ATG4A: variants seen among roughly 807,000 people sequenced by gnomAD.
ATG4A encodes the protein cysteine protease ATG4A.
A neutral mutation model predicts 38.4 loss-of-function variants in ATG4A; 22 were observed. That is an observed-to-expected ratio of 0.57 (90% CI 0.41 to 0.82). The LOEUF (loss-of-function observed/expected upper bound fraction) is 0.82, where lower values mean the gene tolerates loss of function less well. ATG4A is among the 40% of genes least tolerant of loss of function. ATG4A has a pLI of 0.00. For synonymous variants in ATG4A, 86 were observed against 100.7 expected, an observed-to-expected ratio of 0.85 and a Z score of 0.88; for missense variants, 220 against 290.0, an observed-to-expected ratio of 0.76 and a Z score of 1.75.
chrX:108,128,093 C>G (rs1167050251), intron 2 of ATG4A, among the ~76,000 whole-genome samples: 1 of 112,125 alleles, frequency 8.9e-6, no homozygotes. Flanking sequence ...TCCACACAAA[C>G]AAGCCAACCC....
intron 4 of ATG4A, 73 bp from the exon 5 acceptor site, chrX:108,133,984 A>G: frequency 1.2e-6 from 1 of 813,394 alleles, no homozygotes; most frequent in Non-Finnish European, 1.7e-6. Context: ...CTAACTTTGT[A>G]GTTACAATAA....
At chrX:108,103,444 T>C (rs765513579) in intron 1 of ATG4A, among the ~76,000 whole-genome samples, 6 of 112,711 alleles carry the variant, frequency 5.3e-5, no homozygotes, top group African/African-American at 1.6e-4. Context: ...TCTGTCTTTA[T>C]GACTGTACCG....
chrX:108,118,779 G>A (rs1049144222), intron 1 of ATG4A, among the ~76,000 whole-genome samples: 1 of 111,749 alleles, frequency 8.9e-6, no homozygotes, highest in Non-Finnish European at 1.9e-5. Context: ...AATTCTACTC[G>A]CTCCTTAAAA....
chrX:108,101,339 T>C (rs1377038338), intron 1 of ATG4A, among the ~76,000 whole-genome samples: 1 of 109,546 alleles, frequency 9.1e-6, no homozygotes, highest in Non-Finnish European at 1.9e-5. Flanking sequence ...TTCAGAGAAC[T>C]ACCTCTTTGT....
intron 9 of ATG4A, among the ~76,000 whole-genome samples, chrX:108,145,083 A>G (rs2033391165): frequency 8.9e-6 from 1 of 112,184 alleles, no homozygotes; most frequent in African/African-American, 3.2e-5. Flanking sequence ...GACAGGCCCC[A>G]CACCACTGAC....
chrX:108,112,534 G>GGCGCCCGGCACT (rs2032388704), intron 1 of ATG4A, among the ~76,000 whole-genome samples: 1 of 110,094 alleles, frequency 9.1e-6, no homozygotes, highest in South Asian at 3.9e-4. Context: ...TGGGATTACA[G>GGCGCCCGGCACT]GCGCCCGGCA....
rs2031720049 is a variant in ATG4A, at chrX:108,093,884, A to T, written c.10+2048A>T. 2.7e-5 allele frequency among the ~76,000 whole-genome samples: 3 copies of T among 111,154 alleles called. No individual in the cohort carries two copies. In the South Asian group the frequency reaches 1.1e-3, roughly 41 times the overall value. ...TATCTTCTTCAGTGAAGTGTCTGTT[A>T]TATCTTTTGTCTGTTTTTAAATTGA... is the stretch of plus-strand genomic sequence containing the variant. On this transcript the variant is annotated intron_variant, in intron 1 of 12. Transcript: ENST00000372232.
intron 9 of ATG4A, among the ~76,000 whole-genome samples, chrX:108,149,416 G>T (rs963951841): frequency 2.7e-5 from 3 of 112,704 alleles, no homozygotes; most frequent in Non-Finnish European, 3.8e-5. Flanking sequence ...CTCCTCCCAT[G>T]TTATTTTGGG....
chrX:108,091,509 A>C (rs1182378456), upstream of ATG4A: 2 of 1,210,448 alleles, frequency 1.7e-6, no homozygotes, highest in East Asian at 3.0e-5. Flanking sequence ...GGTTAGACAC[A>C]CACCCCTCCA....
intron 10 of ATG4A, 21 bp from the exon 11 acceptor site, chrX:108,151,781 G>A: frequency 8.3e-7 from 1 of 1,204,879 alleles, no homozygotes; most frequent in Non-Finnish European, 1.1e-6. Flanking sequence ...TCTAAGTTGT[G>A]TTCTTTTGCT....
At chrX:108,131,783 G>A (rs1370063668) in intron 4 of ATG4A, among the ~76,000 whole-genome samples, 1 of 112,332 alleles carries the variant, frequency 8.9e-6, no homozygotes, top group East Asian at 2.8e-4. Context: ...CATAGAGGGA[G>A]CTGGCGCTAT....
chrX:108,126,081 A>G lies in ATG4A; in HGVS notation c.15A>G (p.Leu5=). 1 of 1,174,861 alleles carries G rather than the reference A, an allele frequency of 8.5e-7. No individual in the cohort carries two copies. The highest frequency in any genetic ancestry group is 1.2e-6 in the Non-Finnish European group (1 of 865,802). The change falls in exon 2 of 13, where the codon TTA becomes TTG. Residue 5 remains leucine, a synonymous_variant. Transcript: ENST00000372232. The part of the protein sequence containing the change: MESV[L]SKYEDQITIF... ...GTTTCTTTCCTTTTCTTTCAGTTTTATCCAAGTATGAAGATCAGATTACTA... is the reference window on the plus strand; with the variant it reads ...GTTTCTTTCCTTTTCTTTCAGTTTTGTCCAAGTATGAAGATCAGATTACTA...
chrX:108,091,778 G>A lies in ATG4A; in HGVS notation c.-49G>A. On this transcript the variant is annotated 5_prime_UTR_variant, in exon 1 of 13. Transcript: ENST00000372232. ...GTCCCAGGGATCCTAGCGACCGTCCGTCCGTAGTCAAGTTGCCGGTGGAAT... is the reference window on the plus strand; with the variant it reads ...GTCCCAGGGATCCTAGCGACCGTCCATCCGTAGTCAAGTTGCCGGTGGAAT... 1 of 1,203,519 alleles carries A rather than the reference G, an allele frequency of 8.3e-7. No individual in the cohort carries two copies. The highest frequency in any genetic ancestry group is 1.1e-6 in the Non-Finnish European group (1 of 887,965).
At chrX:108,128,346 TGA>T (rs2147999098) in intron 2 of ATG4A, among the ~76,000 whole-genome samples, 1 of 111,344 alleles carries the variant, frequency 9.0e-6, no homozygotes, top group East Asian at 2.8e-4. Flanking sequence ...ATTACAGGTG[TGA>T]GTCGCTGGGC....
intron 9 of ATG4A, 53 bp from the exon 10 acceptor site, chrX:108,150,099 G>T: frequency 1.0e-6 from 1 of 969,845 alleles, no homozygotes; most frequent in Non-Finnish European, 1.4e-6. Context: ...AACAACAGCA[G>T]TGGGCCAGGA....
chrX:108,103,454 G>A (rs985262747), intron 1 of ATG4A, among the ~76,000 whole-genome samples: 5 of 112,153 alleles, frequency 4.5e-5, no homozygotes, highest in African/African-American at 6.5e-5. Context: ...TGACTGTACC[G>A]TACTGTTTAA....
chrX:108,112,788 C>T (rs1213179761), intron 1 of ATG4A, among the ~76,000 whole-genome samples: 2 of 111,427 alleles, frequency 1.8e-5, no homozygotes, highest in African/African-American at 6.5e-5. Context: ...TCCTATAATA[C>T]ACTGATATTC....
chrX:108,139,882 G>A (rs766380974), intron 9 of ATG4A, among the ~76,000 whole-genome samples: 2 of 111,340 alleles, frequency 1.8e-5, no homozygotes, highest in South Asian at 3.8e-4. Flanking sequence ...TTCTTGCTGC[G>A]TCCTCAAATG....
intron 9 of ATG4A, among the ~76,000 whole-genome samples, chrX:108,142,457 A>G (rs768934119): frequency 1.2e-4 from 13 of 109,959 alleles, no homozygotes; most frequent in Admixed American, 6.8e-4. Context: ...ATATATATAC[A>G]TATATATGTG....
Sources: allele counts gnomAD v4.1 joint callset (sites outside exome capture counted in the v4.1 genomes callset), GRCh38; gene constraint gnomAD v4.1.1; transcripts MANE v1.5; gene names NCBI Gene and HGNC (gene_info 2026-07-23, HGNC 2026-07-21).